Variants in FAM120C observed in about 807,000 individuals in gnomAD.
FAM120C encodes the protein constitutive coactivator of PPAR-gamma-like protein 2.
Under a neutral mutation model 71.2 loss-of-function variants are expected in FAM120C, and 14 were observed. That is an observed-to-expected ratio of 0.20 (90% confidence interval 0.13 to 0.31). FAM120C has a LOEUF of 0.31. Among genes scored for constraint, FAM120C ranks in the 10% least tolerant of loss-of-function variants. The pLI, the probability that FAM120C is intolerant of heterozygous loss-of-function variation, is 1.00. For missense variants in FAM120C, 500 were observed against 879.0 expected (o/e 0.57, Z 5.45); for synonymous variants, 354 against 353.2 (o/e 1.00, Z -0.03).
rs782664956 is a variant in FAM120C at position 54,182,512 on chromosome X, G to C, written c.687C>G (p.Arg229=). The part of the protein sequence containing the change: ...LSHCVRLALI[R]FRVKVFQSLE... ...GCCCCTCCCTCACCTTGACCCGGAA[G>C]CGGATGAGTGCTAGCCTCACGCAGT... Residue 229 remains arginine (R), a synonymous_variant, in exon 1 of 16, where the codon CGC becomes CGG. Coordinates refer to ENST00000375180, the MANE Select transcript of FAM120C (RefSeq NM_017848.6). The C allele has an allele frequency of 9.9e-6, 12 of 1,207,756 alleles. No individual in the cohort carries two copies. The highest frequency in any genetic ancestry group is 2.2e-5 in the Admixed American group (1 of 45,997).
intron 4 of FAM120C, among the ~76,000 whole-genome samples, chrX:54,149,639 CAAA>C (rs60637077): frequency 4.2e-5 from 4 of 95,327 alleles, no homozygotes; most frequent in African/African-American, 3.8e-5. Flanking sequence ...GGCATTGTCT[CAAA>C]AAAAAAAAAA....
At chrX:54,146,535 G>T (rs1228208256) in intron 4 of FAM120C, among the ~76,000 whole-genome samples, 1 of 110,418 alleles carries the variant, frequency 9.1e-6, no homozygotes, top group African/African-American at 3.3e-5. Context: ...TTAAAAATTA[G>T]CCAGGCATGG....
At chrX:54,092,406 G>A (rs782284584) in intron 10 of FAM120C, among the ~76,000 whole-genome samples, 2 of 110,293 alleles carry the variant, frequency 1.8e-5, no homozygotes, top group East Asian at 5.7e-4. Flanking sequence ...TTAGCCGGGT[G>A]TGGTGGCGGG....
At chrX:54,080,654 G>A (rs1355230682) in intron 14 of FAM120C, among the ~76,000 whole-genome samples, 3 of 110,906 alleles carry the variant, frequency 2.7e-5, no homozygotes, top group Non-Finnish European at 5.7e-5. Context: ...GAGGTCAGGA[G>A]TTTGAGACCA....
At chrX:54,148,937 A>G (rs782254005) in intron 4 of FAM120C, among the ~76,000 whole-genome samples, 1 of 111,984 alleles carries the variant, frequency 8.9e-6, no homozygotes, top group Non-Finnish European at 1.9e-5. Context: ...TGCAATAAAT[A>G]TATCTAATTT....
At chrX:54,128,431 T>C (rs782188636) in intron 9 of FAM120C, among the ~76,000 whole-genome samples, 2 of 112,110 alleles carry the variant, frequency 1.8e-5, no homozygotes, top group Non-Finnish European at 3.8e-5. Context: ...TGTCGGTCAC[T>C]TGTACGTATT....
intron 11 of FAM120C, among the ~76,000 whole-genome samples, chrX:54,088,999 A>C (rs192736287): frequency 9.0e-6 from 1 of 111,150 alleles, no homozygotes; most frequent in East Asian, 2.8e-4. Context: ...CAGTGAGCTG[A>C]GATTATGCCA....
intron 13 of FAM120C, among the ~76,000 whole-genome samples, chrX:54,084,991 G>A (rs1192088578): frequency 8.9e-6 from 1 of 111,763 alleles, no homozygotes; most frequent in Non-Finnish European, 1.9e-5. Flanking sequence ...TTCGCAGAGT[G>A]GAAATGGATA....
intron 9 of FAM120C, among the ~76,000 whole-genome samples, chrX:54,118,641 T>C (rs920371915): frequency 1.9e-5 from 2 of 107,084 alleles, no homozygotes; most frequent in East Asian, 5.9e-4. Context: ...ACCATTGCCA[T>C]TTTGGTAAGT....
At chrX:54,110,057 C>T (rs1339827960) in intron 10 of FAM120C, among the ~76,000 whole-genome samples, 3 of 78,916 alleles carry the variant, frequency 3.8e-5, no homozygotes, top group Non-Finnish European at 6.8e-5. Flanking sequence ...CGCTCTGTTG[C>T]CCAGGCTGGA....
chrX:54,108,622 T>G (rs782723798), intron 10 of FAM120C, among the ~76,000 whole-genome samples: 1 of 111,545 alleles, frequency 9.0e-6, no homozygotes, highest in East Asian at 2.8e-4. Context: ...AATGAACTTA[T>G]ACAGATATAA....
chrX:54,073,092 C>A lies in FAM120C; in HGVS notation c.3232G>T (p.Glu1078Ter). 8.3e-7 allele frequency: 1 copy of A among 1,211,109 alleles called. No homozygotes were observed. The highest frequency in any genetic ancestry group is 3.0e-5 in the East Asian group (1 of 33,843). The stretch of plus-strand genomic sequence containing the variant: ...TTTTGCTCTTGTAAGTGGTTCTTCT[C>A]CCTATTATTCATAGGGAGGTAGCGG... ...GNRYLPMNNR[E>*]KNHLQEQKLE... The change falls in exon 16 of 16, where the codon GAG (glutamate) becomes TAG (stop). Residue 1078 changes from glutamate (E) to a stop codon, truncating the protein, a stop_gained. Coordinates refer to ENST00000375180, the MANE Select transcript of FAM120C (RefSeq NM_017848.6). LOFTEE classifies it high-confidence loss of function.
chrX:54,091,239 GAA>G (rs1159405323), intron 11 of FAM120C, 71 bp downstream of exon 11: 35 of 601,676 alleles, frequency 5.8e-5, no homozygotes, highest in East Asian at 1.6e-4. Flanking sequence ...TCAGCTTCAG[GAA>G]AAAAAAAAGA....
Position 54,068,821 on chromosome X carries a change from GAAT to G in FAM120C, c.*4209_*4211del, listed in dbSNP as rs1557119821. On this transcript the variant is annotated 3_prime_UTR_variant, in exon 16 of 16. Coordinates refer to ENST00000375180, the MANE Select transcript of FAM120C (RefSeq NM_017848.6). ...GAATAGAATAGAATAGAATAGAATAGAATAGAATAGAATAGAATAGAATAGAAG... is the reference window on the plus strand; with the variant it reads ...GAATAGAATAGAATAGAATAGAATAGAGAATAGAATAGAATAGAATAGAAG... 2.0e-4 allele frequency: 22 copies of G among 109,514 alleles called. No individual in the cohort carries two copies. Among genetic ancestry groups the G allele is most frequent in the African/African-American group, 7.0e-4 (21 of 30,109 alleles). The allele number at this position is 109,514 out of a possible 1,213,427, so 9.0% of individuals were successfully genotyped here. A position where few individuals can be genotyped will look rare whatever the true frequency, so the allele number is the denominator to read the frequency against.
intron 9 of FAM120C, among the ~76,000 whole-genome samples, chrX:54,129,386 G>A (rs2067050051): frequency 1.9e-5 from 2 of 107,957 alleles, no homozygotes; most frequent in South Asian, 4.2e-4. Flanking sequence ...CAGACGGGGC[G>A]GCGGGGCAGA....
chrX:54,104,513 T>C (rs1000363880), intron 10 of FAM120C, among the ~76,000 whole-genome samples: 2 of 111,774 alleles, frequency 1.8e-5, no homozygotes, highest in Non-Finnish European at 3.8e-5. Context: ...TTTGTCTTCT[T>C]AAAAACACAG....
chrX:54,107,705 G>T (rs1327565295), intron 10 of FAM120C, among the ~76,000 whole-genome samples: 2 of 101,715 alleles, frequency 2.0e-5, no homozygotes, highest in Non-Finnish European at 3.9e-5. Flanking sequence ...ATTTTTAGTA[G>T]AGACAGGGTT....
In FAM120C at chrX:54,133,817, G is replaced by A. The variant is rs1366202916; in HGVS notation, c.1846C>T (p.Arg616Trp). 5.8e-6 allele frequency: 7 copies of A among 1,209,359 alleles called. No homozygotes were observed. The highest frequency in any genetic ancestry group is 7.8e-6 in the Non-Finnish European group (7 of 894,866). ...EVLRVAEHRHRRGLMYPYIYH... is the reference protein window; with the variant it reads ...EVLRVAEHRHWRGLMYPYIYH... Reference sequence around the variant, plus strand: ...ATATATGGGTACATAAGACCCCTCCGGTGTCTGTGTTCAGCAACTCTCAAG... The same window carrying A: ...ATATATGGGTACATAAGACCCCTCCAGTGTCTGTGTTCAGCAACTCTCAAG... The change falls in exon 8 of 16, where the codon CGG becomes TGG. Residue 616 changes from arginine (R) to tryptophan (W), a missense_variant. Physicochemically the swap from Arg to Trp is moderately radical, Grantham distance 101. Coordinates refer to ENST00000375180, the MANE Select transcript of FAM120C (RefSeq NM_017848.6).
At chrX:54,164,006 C>T (rs782091463) in intron 1 of FAM120C, among the ~76,000 whole-genome samples, 1 of 108,775 alleles carries the variant, frequency 9.2e-6, no homozygotes, top group South Asian at 4.0e-4. Context: ...GATCTCGGCT[C>T]ACCGCAACCT....
Sources: allele counts gnomAD v4.1 joint callset (sites outside exome capture counted in the v4.1 genomes callset), GRCh38; gene constraint gnomAD v4.1.1; transcripts MANE v1.5; gene names NCBI Gene and HGNC (gene_info 2026-07-23, HGNC 2026-07-21).